Variants in SULF2 observed in about 807,000 individuals in gnomAD.
SULF2 encodes extracellular sulfatase Sulf-2.
Under a neutral mutation model 107.7 loss-of-function variants are expected in SULF2, and 52 were observed. The observed-to-expected ratio is 0.48, with a 90% CI of 0.39 to 0.61. The LOEUF (loss-of-function observed/expected upper bound fraction) is 0.61. Ranked by LOEUF, SULF2 falls within the 20% of genes least tolerant of loss-of-function variation. The pLI is 0.00. For missense variants in SULF2, 993 were observed against 1,177.3 expected, an observed-to-expected ratio of 0.84 and a Z score of 2.29; for synonymous variants, 460 against 464.3, an observed-to-expected ratio of 0.99 and a Z score of 0.12.
At chr20:47,708,470 A>G (rs966585820) in intron 3 of SULF2, among the ~76,000 whole-genome samples, 1 of 152,164 alleles carries the variant, frequency 6.6e-6, no homozygotes, top group Non-Finnish European at 1.5e-5. Flanking sequence ...CGCTCCTGGA[A>G]CATTGCATGC....
Position 47,696,055 on chromosome 20 carries a change from G to A in SULF2, c.568-5760C>T, listed in dbSNP as rs190349526. On this transcript the variant is annotated intron_variant, in intron 4 of 20. Transcript: ENST00000688720. ...GGCCATACAAAAACCACCAGTCTGGGCCCACGGGCTGTGGTTTAGTGCATG... is the reference window on the plus strand; with the variant it reads ...GGCCATACAAAAACCACCAGTCTGGACCCACGGGCTGTGGTTTAGTGCATG... 2.7e-3 allele frequency among the ~76,000 whole-genome samples: 407 copies of A among 152,280 alleles called. 2 individuals carry two copies. Among genetic ancestry groups the A allele is most frequent in the African/African-American group, 9.5e-3 (396 of 41,554 alleles).
At chr20:47,702,964 G>A (rs1237728552) in intron 3 of SULF2, among the ~76,000 whole-genome samples, 1 of 152,192 alleles carries the variant, frequency 6.6e-6, no homozygotes, top group African/African-American at 2.4e-5. Context: ...TACCCAGGCT[G>A]GAGTGCAATG....
Position 47,678,516 on chromosome 20 carries a change from G to A in SULF2, c.1193+160C>T, listed in dbSNP as rs2087721864. ...GACAGAATCTCGGAGAGGGGACCAT[G>A]CTTCTCTCCCACAGCAGGTAAGTGG... is the stretch of plus-strand genomic sequence containing the variant. On this transcript the variant is annotated intron_variant, in intron 8 of 20. Transcript: ENST00000688720. The surrounding 1 kb of genome is among the most constrained non-coding windows in gnomAD (Gnocchi z 4.5). 2 of 921,658 alleles carry A rather than the reference G, an allele frequency of 2.2e-6. No individual in the cohort carries two copies. Among genetic ancestry groups the A allele is most frequent in the African/African-American group, 3.3e-5 (2 of 60,110 alleles). 57.1% of individuals were successfully genotyped at this position (921,658 alleles called of 1,614,324 possible). A position where few individuals can be genotyped will look rare whatever the true frequency, so the allele number is the denominator to read the frequency against.
At chr20:47,664,018 C>A in intron 15 of SULF2, 112 bp downstream of exon 15, 1 of 1,198,130 alleles carries the variant, frequency 8.3e-7, no homozygotes, top group Non-Finnish European at 1.2e-6. Flanking sequence ...CGTGGACTTC[C>A]CAGGGAAGGG....
At chr20:47,677,400 CTGTGTGTGTG>C (rs58936261) in intron 8 of SULF2, among the ~76,000 whole-genome samples, 2 of 143,918 alleles carry the variant, frequency 1.4e-5, no homozygotes, top group East Asian at 4.2e-4. Flanking sequence ...ACCCAAGTAA[CTGTGTGTGTG>C]TGTGTGTGTG....
At chr20:47,686,052 G>C (rs1051846182) in intron 5 of SULF2, 1 of 152,302 alleles carries the variant, frequency 6.6e-6, no homozygotes, top group Non-Finnish European at 1.5e-5. Flanking sequence ...TCCCAGGAAG[G>C]TTGTGAGCAC....
In SULF2 at chr20:47,663,249, G is replaced by A. The variant is rs577687975; in HGVS notation, c.2228-37C>T. On this transcript the variant is annotated intron_variant, in intron 16 of 20. Coordinates refer to ENST00000688720, the MANE Select transcript of SULF2 (RefSeq NM_001387048.1). ...GAGAGAGCATGTCCTGAGTGCCTGC[G>A]GGAGGAGGCCCCATCTGCCAACAGT... 3.0e-5 allele frequency: 49 copies of A among 1,611,586 alleles called. 1 individual carries two copies. The Admixed American group carries it at 5.2e-4, about 17-fold the overall frequency.
intron 1 of SULF2, among the ~76,000 whole-genome samples, chr20:47,773,898 C>T (rs565138193): frequency 2.6e-5 from 4 of 152,334 alleles, no homozygotes; most frequent in African/African-American, 7.2e-5. Context: ...TTGTCGTTTC[C>T]TTCCAGAAGA....
intron 1 of SULF2, among the ~76,000 whole-genome samples, chr20:47,775,640 T>TTCATTCATTCCTTTAG (rs1337722101): frequency 2.0e-5 from 3 of 152,224 alleles, no homozygotes; most frequent in Non-Finnish European, 2.9e-5. Flanking sequence ...GAGAACATCA[T>TTCATTCATTCCTTTAG]TCATTCATTC....
At chr20:47,683,428 C>A (rs2087895819) in intron 6 of SULF2, among the ~76,000 whole-genome samples, 1 of 152,262 alleles carries the variant, frequency 6.6e-6, no homozygotes, top group Non-Finnish European at 1.5e-5. Flanking sequence ...ATCTGTGTCC[C>A]TGCCTTGGCA....
chr20:47,664,022 G>A, intron 15 of SULF2, 108 bp downstream of exon 15: 1 of 1,225,810 alleles, frequency 8.2e-7, no homozygotes, highest in African/African-American at 1.5e-5. Flanking sequence ...GACTTCCCAG[G>A]GAAGGGCCTG....
At chr20:47,676,774 T>C (rs1001554592) in intron 9 of SULF2, 151 bp from the exon 10 acceptor site, 2 of 880,114 alleles carry the variant, frequency 2.3e-6, no homozygotes, top group Admixed American at 2.9e-5. Context: ...TCTTCTGATG[T>C]TTAGGAAACT....
intron 6 of SULF2, among the ~76,000 whole-genome samples, chr20:47,683,687 A>C (rs766465149): frequency 6.6e-5 from 10 of 152,252 alleles, no homozygotes; most frequent in Non-Finnish European, 1.3e-4. Flanking sequence ...CCTACTGAGC[A>C]TGTGAAATGA....
intron 10 of SULF2, among the ~76,000 whole-genome samples, chr20:47,673,502 C>T (rs2087543511): frequency 6.6e-6 from 1 of 152,100 alleles, no homozygotes; most frequent in Non-Finnish European, 1.5e-5. Flanking sequence ...CCCCCCAACC[C>T]TCTGCTGCAC....
chr20:47,745,414 T>TAA (rs1568892596), intron 2 of SULF2, among the ~76,000 whole-genome samples: 310 of 6,764 alleles, frequency 0.046, 13 homozygotes, highest in African/African-American at 0.17. Flanking sequence ...AAAAAAAATA[T>TAA]ATATATATAT....
intron 10 of SULF2, among the ~76,000 whole-genome samples, chr20:47,675,123 C>A (rs960184107): frequency 6.6e-6 from 1 of 152,176 alleles, no homozygotes; most frequent in Admixed American, 6.5e-5. Context: ...GGGGAGACAT[C>A]AGAAAGAACC....
Position 47,666,363 on chromosome 20 carries a change from G to T in SULF2, c.1702C>A (p.Pro568Thr). ...QPRNLTKRHW[P>T]GAPEDQDDKD... ...TCATCTTGGTCCTCAGGGGCCCCTG[G>T]CCAGTGCCGCTTGGTGAGGTTTCGG... is the stretch of plus-strand genomic sequence containing the variant. The change falls in exon 12 of 21, where the codon CCA becomes ACA. Residue 568 changes from proline to threonine, a missense_variant. Around this residue, in one of 3 missense-constraint regions of SULF2, gnomAD observed 497 missense variants for 544.1 expected, o/e 0.91. Coordinates refer to ENST00000688720, the MANE Select transcript of SULF2 (RefSeq NM_001387048.1). The surrounding 1 kb of genome is among the most constrained non-coding windows in gnomAD (Gnocchi z 5.4). 6.2e-7 allele frequency: 1 copy of T among 1,614,000 alleles called. No individual in the cohort carries two copies. Among genetic ancestry groups the T allele is most frequent in the Non-Finnish European group, 8.5e-7 (1 of 1,179,998 alleles).
intron 6 of SULF2, among the ~76,000 whole-genome samples, chr20:47,683,658 T>C (rs2087903591): frequency 6.6e-6 from 1 of 152,236 alleles, no homozygotes; most frequent in South Asian, 2.1e-4. Flanking sequence ...TGGACACATA[T>C]TGGCTCCAGC....
intron 1 of SULF2, among the ~76,000 whole-genome samples, chr20:47,770,566 T>C (rs572692117): frequency 6.6e-6 from 1 of 152,324 alleles, no homozygotes; most frequent in East Asian, 1.9e-4. Context: ...CAGTTACTAA[T>C]ACTGTGTAAC....
Sources: allele counts gnomAD v4.1 joint callset (sites outside exome capture counted in the v4.1 genomes callset), GRCh38; gene constraint gnomAD v4.1.1; regional missense constraint gnomAD v4.1.1; non-coding constraint Gnocchi (gnomAD v3.1); transcripts MANE v1.5; gene names NCBI Gene and HGNC (gene_info 2026-07-23, HGNC 2026-07-21).